Variants in CFAP44 observed in about 807,000 individuals in gnomAD.
CFAP44 encodes cilia- and flagella-associated protein 44.
Under a neutral mutation model 216.2 loss-of-function variants are expected in CFAP44, and 134 were observed. The ratio of observed to expected loss-of-function variants is 0.62; its 90% CI spans 0.54 to 0.72. CFAP44 has a LOEUF of 0.72. Ranked by LOEUF, CFAP44 falls within the 30% of genes least tolerant of loss-of-function variation. CFAP44 has a pLI of 0.00. For missense variants in CFAP44, 2,035 were observed against 2,182.1 expected (o/e 0.93, Z 1.34); for synonymous variants, 700 against 727.6 (o/e 0.96, Z 0.61).
intron 16 of CFAP44, 83 bp downstream of exon 16, chr3:113,380,816 T>C (rs2107337100): frequency 1.7e-6 from 2 of 1,166,092 alleles, no homozygotes; most frequent in Non-Finnish European, 1.1e-6. Flanking sequence ...CTTTTGTGTA[T>C]TCCATCAGCA....
chr3:113,418,518 A>C (rs1934713388), intron 5 of CFAP44, among the ~76,000 whole-genome samples: 1 of 152,210 alleles, frequency 6.6e-6, no homozygotes, highest in African/African-American at 2.4e-5. Flanking sequence ...AGCCTTGCTA[A>C]AGTATTTCTG....
intron 30 of CFAP44, among the ~76,000 whole-genome samples, chr3:113,305,663 T>C (rs995955311): frequency 6.6e-6 from 1 of 152,158 alleles, no homozygotes; most frequent in Non-Finnish European, 1.5e-5. Context: ...TTTCTGAACA[T>C]GAATGAAGTT....
chr3:113,338,255 C>CAAAAAAAAAA lies in CFAP44; in HGVS notation c.3437+3479_3437+3488dup, dbSNP rs10574877. 3.7e-4 allele frequency among the ~76,000 whole-genome samples: 16 copies of CAAAAAAAAAA among 43,044 alleles called. 1 individual carries two copies. Among genetic ancestry groups the CAAAAAAAAAA allele is most frequent in the South Asian group, 1.6e-3 (1 of 622 alleles). The allele number at this position is 43,044 out of a possible 152,430, so 28.2% of individuals were successfully genotyped here. On this transcript the variant is annotated intron_variant, in intron 24 of 34. Coordinates refer to ENST00000393845, the MANE Select transcript of CFAP44 (RefSeq NM_001164496.2). ...CTGGACAACACACGAGACAATGTCT[C>CAAAAAAAAAA]AAAAAAAAAAAAAAAAAAAAAAAAA...
In CFAP44 at chr3:113,341,843, A is replaced by C; in HGVS notation, c.3338T>G (p.Ile1113Ser). 6.5e-7 allele frequency: 1 copy of C among 1,532,058 alleles called. No individual in the cohort carries two copies. The highest frequency in any genetic ancestry group is 8.7e-7 in the Non-Finnish European group (1 of 1,145,850). The allele number at this position is 1,532,058 out of a possible 1,614,324, so 94.9% of individuals were successfully genotyped here. A position where few individuals can be genotyped will look rare whatever the true frequency, so the allele number is the denominator to read the frequency against. Residue 1113 changes from isoleucine to serine, a missense_variant, in exon 24 of 35, where the codon ATC (isoleucine) becomes AGC (serine). By Grantham distance (142) the Ile-to-Ser change is moderately radical. Around this residue, in one of 3 missense-constraint regions of CFAP44, gnomAD observed 1,883 missense variants for 2,023.7 expected, o/e 0.93. Coordinates refer to ENST00000393845, the MANE Select transcript of CFAP44 (RefSeq NM_001164496.2). ...KKFRPKTLSE[I>S]IVENQIEKTR... ...TTTCTCAATTTGATTTTCCACGATGATTTCACTTAGGGTTTTAGGCCGAAA... is the reference window on the plus strand; with the variant it reads ...TTTCTCAATTTGATTTTCCACGATGCTTTCACTTAGGGTTTTAGGCCGAAA...
At position 113,296,779 on chromosome 3, in the gene CFAP44, C is replaced by T; in HGVS notation, c.5184G>A (p.Lys1728=). The change falls in exon 33 of 35, where the codon AAG becomes AAA. Residue 1728 remains lysine, a synonymous_variant. Transcript: ENST00000393845. ...CTAGCTCCTTTCGAAGTTTTCTGATCTTCAGTTCTTCAAGTGTTGTATTAA... is the reference window on the plus strand; with the variant it reads ...CTAGCTCCTTTCGAAGTTTTCTGATTTTCAGTTCTTCAAGTGTTGTATTAA... The part of the protein sequence containing the change: ...LSVNTTLEEL[K]IRKLRKELAN... 6.5e-7 allele frequency: 1 copy of T among 1,537,760 alleles called. No homozygotes were observed. Among genetic ancestry groups the T allele is most frequent in the Non-Finnish European group, 8.7e-7 (1 of 1,147,012 alleles).
chr3:113,420,251 A>C, intron 4 of CFAP44, 72 bp from the exon 5 acceptor site: 1 of 1,421,776 alleles, frequency 7.0e-7, no homozygotes, highest in African/African-American at 1.5e-5. Flanking sequence ...TGATGAAATA[A>C]ATTTTTAAAT....
At chr3:113,352,243 A>G (rs1282894114) in intron 22 of CFAP44, among the ~76,000 whole-genome samples, 3 of 152,230 alleles carry the variant, frequency 2.0e-5, no homozygotes, top group African/African-American at 7.2e-5. Context: ...AAATGGACCA[A>G]TCAGCAGCAT....
At chr3:113,399,850 T>C (rs1017128362) in intron 13 of CFAP44, 56 bp downstream of exon 13, 4 of 1,199,270 alleles carry the variant, frequency 3.3e-6, no homozygotes, top group Non-Finnish European at 3.5e-6. Context: ...GAAAATAGCA[T>C]TGATATACCA....
chr3:113,341,097 T>C (rs1576556712), intron 24 of CFAP44, among the ~76,000 whole-genome samples: 1 of 152,228 alleles, frequency 6.6e-6, no homozygotes, highest in African/African-American at 2.4e-5. Context: ...CCTCATGATG[T>C]CCAGCCACTT....
chr3:113,408,420 T>C (rs1407263067), intron 7 of CFAP44, among the ~76,000 whole-genome samples: 2 of 152,216 alleles, frequency 1.3e-5, no homozygotes, highest in East Asian at 3.8e-4. Context: ...GTTTTACAGA[T>C]GAAGACTGAG....
In CFAP44 at chr3:113,379,491, C is replaced by G; in HGVS notation, c.2113G>C (p.Glu705Gln). The change falls in exon 17 of 35, where the codon GAA becomes CAA. Residue 705 changes from glutamate (E) to glutamine (Q), a missense_variant. By Grantham distance (29) the Glu-to-Gln change is conservative. This residue lies in a region of CFAP44 where 1,883 missense variants were observed against 2,023.7 expected (regional missense o/e 0.93). Transcript: ENST00000393845. ...TCTGCTGCTAGCTTGTTCCTCCTTTCTTCCCTTATTTTCTCCTTCAACTCC... is the reference window on the plus strand; with the variant it reads ...TCTGCTGCTAGCTTGTTCCTCCTTTGTTCCCTTATTTTCTCCTTCAACTCC... ...QRELKEKIRE[E>Q]RRNKLAAEMG... 6.2e-7 allele frequency: 1 copy of G among 1,608,524 alleles called. No homozygotes were observed. The highest frequency in any genetic ancestry group is 1.1e-5 in the South Asian group (1 of 90,848).
At chr3:113,353,472 AC>A (rs1395999515) in intron 22 of CFAP44, among the ~76,000 whole-genome samples, 8 of 151,712 alleles carry the variant, frequency 5.3e-5, no homozygotes, top group Non-Finnish European at 7.4e-5. Flanking sequence ...ACACACACAC[AC>A]ACACACACAC....
At chr3:113,416,728 G>T in intron 5 of CFAP44, 101 bp from the exon 6 acceptor site, 1 of 822,210 alleles carries the variant, frequency 1.2e-6, no homozygotes, top group Non-Finnish European at 1.8e-6. Context: ...TAATTTATTA[G>T]GCTTTACTCT....
chr3:113,366,410 TGGAC>T, intron 18 of CFAP44, 101 bp from the exon 19 acceptor site: 2 of 1,389,168 alleles, frequency 1.4e-6, no homozygotes, highest in Non-Finnish European at 1.9e-6. Flanking sequence ...AAAGTTGTTA[TGGAC>T]TGAATTGTAC....
chr3:113,379,008 G>T (rs1392420282), intron 17 of CFAP44, among the ~76,000 whole-genome samples: 1 of 152,016 alleles, frequency 6.6e-6, no homozygotes, highest in African/African-American at 2.4e-5. Flanking sequence ...TCTTTGACCT[G>T]CCTGGAACAT....
In CFAP44 at chr3:113,385,409, T is replaced by C. The variant is rs538687869; in HGVS notation, c.1891-4349A>G. Among the ~76,000 whole-genome samples, 10 of 152,288 alleles carry C rather than the reference T, an allele frequency of 6.6e-5. No homozygotes were observed. In the South Asian group the frequency reaches 1.9e-3, roughly 28 times the overall value. ...ATGATAGCAATGTAGAAAGAAAAGATGTTATAGGTGAATGACAAGAGCCTC... is the reference window on the plus strand; with the variant it reads ...ATGATAGCAATGTAGAAAGAAAAGACGTTATAGGTGAATGACAAGAGCCTC... On this transcript the variant is annotated intron_variant, in intron 15 of 34. Coordinates refer to ENST00000393845, the MANE Select transcript of CFAP44 (RefSeq NM_001164496.2).
chr3:113,295,059 T>C (rs888910844), intron 33 of CFAP44, among the ~76,000 whole-genome samples: 1 of 152,216 alleles, frequency 6.6e-6, no homozygotes, highest in Non-Finnish European at 1.5e-5. Context: ...GATGTGGACA[T>C]CATTGTATTA....
At chr3:113,295,888 C>T (rs184713877) in intron 33 of CFAP44, among the ~76,000 whole-genome samples, 54 of 152,268 alleles carry the variant, frequency 3.5e-4, no homozygotes, top group African/African-American at 1.2e-3. Flanking sequence ...ATTTCTAAAA[C>T]TGTCAGAGCA....
intron 25 of CFAP44, among the ~76,000 whole-genome samples, chr3:113,332,215 C>G (rs1394266014): frequency 6.6e-6 from 1 of 152,062 alleles, no homozygotes; most frequent in East Asian, 1.9e-4. Context: ...ATGTATGTAA[C>G]ATGATGAATA....
Sources: allele counts gnomAD v4.1 joint callset (sites outside exome capture counted in the v4.1 genomes callset), GRCh38; gene constraint gnomAD v4.1.1; regional missense constraint gnomAD v4.1.1; transcripts MANE v1.5; gene names NCBI Gene and HGNC (gene_info 2026-07-23, HGNC 2026-07-21).